Variants in PPARGC1B observed in about 807,000 individuals in gnomAD.
PPARGC1B encodes the protein PPARG coactivator 1 beta, also known as peroxisome proliferator-activated receptor gamma coactivator 1-beta.
A neutral mutation model predicts 101.6 loss-of-function variants in PPARGC1B; 34 were observed. That is an observed-to-expected ratio of 0.33 (90% CI 0.25 to 0.45). The LOEUF (loss-of-function observed/expected upper bound fraction) is 0.45, where lower values mean the gene tolerates loss of function less well. PPARGC1B is among the 20% of genes least tolerant of loss of function. The probability of loss-of-function intolerance (pLI) is 1.00; values close to 1 mark genes in which losing one functional copy is unlikely to be tolerated. For synonymous variants in PPARGC1B, 548 were observed against 539.3 expected, an observed-to-expected ratio of 1.02 and a Z score of -0.22; for missense variants, 1,234 against 1,317.6, an observed-to-expected ratio of 0.94 and a Z score of 0.98.
rs555622779 is a variant in PPARGC1B, at chr5:149,820,782, C to T, written c.252+176C>T. 9.8e-5 allele frequency among the ~76,000 whole-genome samples: 15 copies of T among 152,316 alleles called. No homozygotes were observed. In the East Asian group the frequency reaches 2.5e-3, roughly 25 times the overall value. Reference sequence around the variant, plus strand: ...TGGATGGGCCCCTGATCTGGCGCAGCGCACATGCCTCACCTGGCCCTTGCT... The same window carrying T: ...TGGATGGGCCCCTGATCTGGCGCAGTGCACATGCCTCACCTGGCCCTTGCT... On this transcript the variant is annotated intron_variant, in intron 2 of 11. Transcript: ENST00000309241.
chr5:149,734,943 T>C (rs1247884358), intron 1 of PPARGC1B, among the ~76,000 whole-genome samples: 1 of 152,212 alleles, frequency 6.6e-6, no homozygotes, highest in Non-Finnish European at 1.5e-5. Flanking sequence ...CTCGTTGTTC[T>C]AAAGCTGGGA....
intron 1 of PPARGC1B, among the ~76,000 whole-genome samples, chr5:149,810,944 A>G (rs1317495254): frequency 6.6e-6 from 1 of 152,158 alleles, no homozygotes; most frequent in Admixed American, 6.5e-5. Context: ...TTCCTGTGTC[A>G]TGGGGGCCAG....
intron 1 of PPARGC1B, among the ~76,000 whole-genome samples, chr5:149,809,481 G>GATAGATAGATAGATAGATCCATCTCTACC (rs1561568427): frequency 4.0e-4 from 10 of 24,892 alleles, no homozygotes; most frequent in Admixed American, 8.6e-4. Flanking sequence ...CTCTACCATA[G>GATAGATAGATAGATAGATCCATCTCTACC]ATAGATAGAT....
At chr5:149,809,896 G>C (rs553667875) in intron 1 of PPARGC1B, among the ~76,000 whole-genome samples, 1 of 151,910 alleles carries the variant, frequency 6.6e-6, no homozygotes, top group Non-Finnish European at 1.5e-5. Context: ...GGGGAGGGAC[G>C]TTCAACCTGG....
chr5:149,820,726 A>G, intron 2 of PPARGC1B, 120 bp downstream of exon 2: 1 of 1,034,150 alleles, frequency 9.7e-7, no homozygotes, highest in East Asian at 2.5e-5. Flanking sequence ...CCCCTCACCC[A>G]CCAAAGCTGT....
At chr5:149,746,868 A>G (rs1396751424) in intron 1 of PPARGC1B, among the ~76,000 whole-genome samples, 1 of 152,048 alleles carries the variant, frequency 6.6e-6, no homozygotes, top group Non-Finnish European at 1.5e-5. Flanking sequence ...GCATTTTTTA[A>G]TGTGTTTACT....
intron 1 of PPARGC1B, among the ~76,000 whole-genome samples, chr5:149,735,455 T>G (rs570502036): frequency 2.4e-4 from 36 of 152,346 alleles, no homozygotes; most frequent in Non-Finnish European, 4.6e-4. Context: ...GGCTCAGGCT[T>G]GGAAATGCCT....
chr5:149,767,532 G>A (rs1194069360), intron 1 of PPARGC1B, among the ~76,000 whole-genome samples: 1 of 152,192 alleles, frequency 6.6e-6, no homozygotes, highest in Non-Finnish European at 1.5e-5. Context: ...CTTAGAAGAT[G>A]AGGCTGGAGC....
At position 149,836,843 on chromosome 5, in the gene PPARGC1B, C is replaced by A; in HGVS notation, c.2388C>A (p.Ser796Arg). ...PEYDTVFEDS[S>R]SSSGESSFLP... ...ATGACACTGTCTTTGAAGACAGCAG[C>A]AGCAGCAGCGGCGAGAGCAGCTTCC... The change falls in exon 8 of 12, where the codon AGC becomes AGA. Residue 796 changes from serine (S) to arginine (R), a missense_variant. Ser to Arg is a moderately radical substitution (Grantham distance 110). Coordinates refer to ENST00000309241, the MANE Select transcript of PPARGC1B (RefSeq NM_133263.4). The A allele has an allele frequency of 6.2e-7, 1 of 1,613,210 alleles. No homozygotes were observed. Among genetic ancestry groups the A allele is most frequent in the Non-Finnish European group, 8.5e-7 (1 of 1,180,020 alleles).
At chr5:149,732,573 CTG>C (rs1353253791) in intron 1 of PPARGC1B, among the ~76,000 whole-genome samples, 2 of 152,256 alleles carry the variant, frequency 1.3e-5, no homozygotes, top group Non-Finnish European at 2.9e-5. Flanking sequence ...GAAAGTTAAT[CTG>C]GGACATTTGC....
At chr5:149,763,194 T>C (rs1487566986) in intron 1 of PPARGC1B, among the ~76,000 whole-genome samples, 2 of 152,246 alleles carry the variant, frequency 1.3e-5, no homozygotes, top group South Asian at 4.1e-4. Flanking sequence ...CTCCGGCCTT[T>C]GGCCCTGGTC....
intron 1 of PPARGC1B, among the ~76,000 whole-genome samples, chr5:149,806,608 CTTTTTTT>C (rs10534197): frequency 0.85 from 125,698 of 147,168 alleles, 53,597 homozygotes; most frequent in Middle Eastern, 0.92. Context: ...GTCTCTGGGA[CTTTTTTT>C]TTTTTTTTTT....
chr5:149,828,753 AG>A (rs1462580072), intron 3 of PPARGC1B, among the ~76,000 whole-genome samples: 1 of 152,232 alleles, frequency 6.6e-6, no homozygotes, highest in Non-Finnish European at 1.5e-5. Flanking sequence ...GAGATCTGGA[AG>A]GGCCCTGAGG....
intron 10 of PPARGC1B, among the ~76,000 whole-genome samples, chr5:149,843,477 C>A (rs1315874141): frequency 6.6e-6 from 1 of 152,096 alleles, no homozygotes; most frequent in Non-Finnish European, 1.5e-5. Context: ...TGGCCACTAT[C>A]AAAAAACCAG....
intron 10 of PPARGC1B, among the ~76,000 whole-genome samples, chr5:149,844,332 C>T (rs774360303): frequency 2.0e-5 from 3 of 152,280 alleles, no homozygotes; most frequent in East Asian, 1.9e-4. Context: ...GAGTCTTGGA[C>T]GTACTACCAA....
At chr5:149,758,787 CAACA>C (rs760784304) in intron 1 of PPARGC1B, among the ~76,000 whole-genome samples, 48 of 152,272 alleles carry the variant, frequency 3.2e-4, no homozygotes, top group Non-Finnish European at 5.9e-4. Context: ...GTTTTTAATT[CAACA>C]AACATTTAAT....
rs1418723946 is a variant in PPARGC1B at position 149,853,365 on chromosome 5, A to C, written c.*5807A>C. The C allele has an allele frequency of 6.6e-6, 1 of 152,296 alleles. No individual in the cohort carries two copies. The highest frequency in any genetic ancestry group is 1.9e-4 in the East Asian group (1 of 5,202). The allele number at this position is 152,296 out of a possible 1,614,324, so 9.4% of individuals were successfully genotyped here. ...TGCAACACTAGGGTCAGAAGACTCCAGAAGCAGCCACTTAGTAGACTCTCA... is the reference window on the plus strand; with the variant it reads ...TGCAACACTAGGGTCAGAAGACTCCCGAAGCAGCCACTTAGTAGACTCTCA... On this transcript the variant is annotated 3_prime_UTR_variant, in exon 12 of 12. Coordinates refer to ENST00000309241, the MANE Select transcript of PPARGC1B (RefSeq NM_133263.4). The surrounding 1 kb of genome is among the most constrained non-coding windows in gnomAD (Gnocchi z 4.2).
At chr5:149,808,998 A>G (rs1219437162) in intron 1 of PPARGC1B, among the ~76,000 whole-genome samples, 2 of 152,154 alleles carry the variant, frequency 1.3e-5, no homozygotes, top group Admixed American at 6.6e-5. Flanking sequence ...AAAATGGGCC[A>G]GGCATGGTGG....
chr5:149,831,447 T>C (rs1442519360), intron 4 of PPARGC1B, among the ~76,000 whole-genome samples: 1 of 152,194 alleles, frequency 6.6e-6, no homozygotes, highest in African/African-American at 2.4e-5. Context: ...CTGGGAACTG[T>C]TGCATCCAAT....
Sources: gnomAD v4.1 joint callset for allele counts (sites outside exome capture counted in the v4.1 genomes callset) on GRCh38, gnomAD v4.1.1 for gene constraint, Gnocchi (gnomAD v3.1) non-coding constraint, MANE v1.5 for transcripts, NCBI Gene and HGNC (gene_info 2026-07-23, HGNC 2026-07-21) for gene names.